TOX2: variants seen among roughly 807,000 people sequenced by gnomAD.
TOX2 encodes the protein granulosa cell HMG box 1.
Under a neutral mutation model 47.4 loss-of-function variants are expected in TOX2, and 15 were observed. The observed-to-expected ratio is 0.32, with a 90% CI of 0.21 to 0.49. TOX2 has a LOEUF of 0.49. Among genes scored for constraint, TOX2 ranks in the 20% least tolerant of loss-of-function variants. The pLI is 0.99. For missense variants in TOX2, 622 were observed against 673.1 expected (o/e 0.92, Z 0.84); for synonymous variants, 290 against 296.6 (o/e 0.98, Z 0.23).
intron 2 of TOX2, among the ~76,000 whole-genome samples, chr20:43,996,656 G>T (rs2070486077): frequency 1.3e-5 from 2 of 151,162 alleles, no homozygotes; most frequent in African/African-American, 4.9e-5. Flanking sequence ...TTCTTGCTTG[G>T]GTGTGTGTGT....
intron 3 of TOX2, among the ~76,000 whole-genome samples, chr20:44,051,008 CCAA>C (rs530143254): frequency 1.2e-3 from 178 of 152,318 alleles, no homozygotes; most frequent in African/African-American, 4.1e-3. Context: ...ATCAAATGAT[CCAA>C]CATAACTGGA....
At chr20:43,960,911 C>T (rs1374252861) in intron 1 of TOX2, among the ~76,000 whole-genome samples, 1 of 152,234 alleles carries the variant, frequency 6.6e-6, no homozygotes, top group Non-Finnish European at 1.5e-5. Flanking sequence ...GGGCATCACC[C>T]ATTCAACCCT....
chr20:43,958,533 C>A lies in TOX2; in HGVS notation c.100-14834C>A, dbSNP rs915607105. 3.3e-5 allele frequency among the ~76,000 whole-genome samples: 5 copies of A among 152,344 alleles called. No individual in the cohort carries two copies. The East Asian group carries it at 9.7e-4, about 29-fold the overall frequency. On this transcript the variant is annotated intron_variant, in intron 1 of 8. Transcript: ENST00000341197. ...TCTCCACCTTAGTGCTTTATCACCC[C>A]CCTCCAGGTGCCATTATGCAGATAC...
At chr20:43,953,947 C>G (rs1234507040) in intron 1 of TOX2, among the ~76,000 whole-genome samples, 1 of 152,182 alleles carries the variant, frequency 6.6e-6, no homozygotes, top group Admixed American at 6.5e-5. Flanking sequence ...CTCATGCATC[C>G]ATTTTATAGA....
chr20:44,005,089 C>T (rs571934045), intron 2 of TOX2, among the ~76,000 whole-genome samples: 2 of 152,256 alleles, frequency 1.3e-5, no homozygotes, highest in South Asian at 4.1e-4. Flanking sequence ...ATTTTATGTC[C>T]ATTTAAAAAA....
intron 1 of TOX2, among the ~76,000 whole-genome samples, chr20:43,951,220 CCACTTCCTAGGTAGA>C (rs909373349): frequency 2.0e-5 from 3 of 152,156 alleles, no homozygotes; most frequent in African/African-American, 7.2e-5. Flanking sequence ...CCCAGCTCCA[CCACTTCCTAGGTAGA>C]TAGCCTTCAC....
In TOX2 at chr20:43,955,775, C is replaced by T. The variant is rs932528069; in HGVS notation, c.100-17592C>T. Among the ~76,000 whole-genome samples the T allele has an allele frequency of 5.9e-5, 9 of 152,208 alleles. No homozygotes were observed. The South Asian group carries it at 8.3e-4, about 14-fold the overall frequency. ...AATTTCTAGTTTTGAATCACTGCCA[C>T]GCTGTTTTACTTATTATTGTGTTAG... is the stretch of plus-strand genomic sequence containing the variant. On this transcript the variant is annotated intron_variant, in intron 1 of 8. Coordinates refer to ENST00000341197, the MANE Select transcript of TOX2 (RefSeq NM_001098797.2).
chr20:43,930,241 G>T (rs1048763396), intron 1 of TOX2, among the ~76,000 whole-genome samples: 2 of 152,218 alleles, frequency 1.3e-5, no homozygotes, highest in African/African-American at 4.8e-5. Flanking sequence ...AGCCCAGGCT[G>T]TGTTTCTAAG....
At chr20:44,062,734 G>A (rs901556709) in intron 5 of TOX2, among the ~76,000 whole-genome samples, 3 of 152,032 alleles carry the variant, frequency 2.0e-5, no homozygotes, top group African/African-American at 7.2e-5. Flanking sequence ...CACATTACCC[G>A]ACTTCAAACT....
At chr20:44,045,731 A>G (rs937870880) in intron 3 of TOX2, among the ~76,000 whole-genome samples, 6 of 152,266 alleles carry the variant, frequency 3.9e-5, no homozygotes, top group Admixed American at 6.5e-5. Context: ...AATGACTTTG[A>G]GAGAATTTCA....
intron 1 of TOX2, among the ~76,000 whole-genome samples, chr20:43,930,366 A>T (rs1286988993): frequency 6.6e-6 from 1 of 152,226 alleles, no homozygotes; most frequent in East Asian, 1.9e-4. Context: ...GTGTTAATCC[A>T]TGTGAATTCT....
chr20:43,945,993 TCTA>T, intron 1 of TOX2: 1 of 1,614,118 alleles, frequency 6.2e-7, no homozygotes, highest in South Asian at 1.1e-5. Flanking sequence ...TCGGGCTCCT[TCTA>T]CTTGCAAGAC....
chr20:43,919,904 C>G (rs1037943807), intron 1 of TOX2, among the ~76,000 whole-genome samples: 4 of 152,352 alleles, frequency 2.6e-5, no homozygotes, highest in Non-Finnish European at 4.4e-5. Context: ...GTACCACATT[C>G]TCTTTATCCA....
intron 2 of TOX2, among the ~76,000 whole-genome samples, chr20:43,987,499 G>A (rs2070286942): frequency 6.6e-6 from 1 of 152,188 alleles, no homozygotes; most frequent in Non-Finnish European, 1.5e-5. Context: ...TATGATTTGT[G>A]CACTTTTCTG....
At position 44,013,887 on chromosome 20, in the gene TOX2, C is replaced by T. The variant is rs186237624; in HGVS notation, c.411+7095C>T. ...TGGCTCGCCTGTCATATCAGTACTTCGGGAGGCCAAGATGGGCAGATCACT... is the reference window on the plus strand; with the variant it reads ...TGGCTCGCCTGTCATATCAGTACTTTGGGAGGCCAAGATGGGCAGATCACT... On this transcript the variant is annotated intron_variant, in intron 3 of 8. Coordinates refer to ENST00000341197, the MANE Select transcript of TOX2 (RefSeq NM_001098797.2). 2.4e-4 allele frequency among the ~76,000 whole-genome samples: 36 copies of T among 152,040 alleles called. No individual in the cohort carries two copies. The East Asian group carries it at 4.7e-3, about 20-fold the overall frequency.
chr20:43,978,259 A>G (rs888847369), intron 2 of TOX2, among the ~76,000 whole-genome samples: 1 of 151,840 alleles, frequency 6.6e-6, no homozygotes, highest in Admixed American at 6.6e-5. Context: ...GGAGTGACCA[A>G]CTCTGCAACT....
intron 3 of TOX2, among the ~76,000 whole-genome samples, chr20:44,023,129 G>A (rs1430354482): frequency 6.6e-6 from 1 of 151,458 alleles, no homozygotes; most frequent in African/African-American, 2.4e-5. Context: ...TGAGGTAGGA[G>A]GGAAAGATAG....
chr20:44,005,845 T>C (rs1600728421), intron 2 of TOX2, among the ~76,000 whole-genome samples: 1 of 152,096 alleles, frequency 6.6e-6, no homozygotes, highest in African/African-American at 2.4e-5. Context: ...GGTGAAATAT[T>C]GAGCTCTTTA....
intron 1 of TOX2, among the ~76,000 whole-genome samples, chr20:43,934,136 G>GGAGAGAGAGAGAGAGAGAGAGAGA (rs56662660): frequency 9.8e-5 from 12 of 122,162 alleles, no homozygotes; most frequent in African/African-American, 3.6e-4. Context: ...CCCAAGGTAA[G>GGAGAGAGAGAGAGAGAGAGAGAGA]GAGAGAGAGA....
Sources: gnomAD v4.1 joint callset for allele counts (sites outside exome capture counted in the v4.1 genomes callset) on GRCh38, gnomAD v4.1.1 for gene constraint, MANE v1.5 for transcripts, NCBI Gene and HGNC (gene_info 2026-07-23, HGNC 2026-07-21) for gene names.